The following CDH18 variants were observed in gnomAD, a reference collection of about 807,000 sequenced individuals.
CDH18 encodes the protein cadherin 18, also known as cadherin-18.
A neutral mutation model predicts 67.9 loss-of-function variants in CDH18; 31 were observed. The observed-to-expected ratio is 0.46, with a 90% CI of 0.34 to 0.62. The LOEUF is 0.62. Ranked by LOEUF, CDH18 falls within the 20% of genes least tolerant of loss-of-function variation. The pLI is 0.01. For missense variants in CDH18, 890 were observed against 975.5 expected (o/e 0.91, Z 1.17); for synonymous variants, 362 against 347.2 (o/e 1.04, Z -0.48).
At chr5:19,628,991 T>C (rs984375792) in intron 5 of CDH18, among the ~76,000 whole-genome samples, 5 of 151,926 alleles carry the variant, frequency 3.3e-5, no homozygotes, top group Non-Finnish European at 7.4e-5. Context: ...ATAGAAATTG[T>C]TCCCTTGCGA....
At chr5:19,603,169 T>C (rs1231466272) in intron 6 of CDH18, among the ~76,000 whole-genome samples, 3 of 152,112 alleles carry the variant, frequency 2.0e-5, no homozygotes, top group Non-Finnish European at 4.4e-5. Flanking sequence ...AAATAAAATA[T>C]TAATTATCAT....
chr5:19,563,352 T>A (rs149164870), intron 8 of CDH18, among the ~76,000 whole-genome samples: 5 of 152,162 alleles, frequency 3.3e-5, no homozygotes, highest in Non-Finnish European at 5.9e-5. Flanking sequence ...GAATCAATAA[T>A]ACAGACAGTT....
intron 1 of CDH18, among the ~76,000 whole-genome samples, chr5:20,504,050 A>AAG (rs1302831109): frequency 5.4e-5 from 6 of 111,486 alleles, no homozygotes; most frequent in African/African-American, 1.9e-4. Context: ...AAAAAAAAAA[A>AAG]AGAGAGAGAG....
intron 2 of CDH18, among the ~76,000 whole-genome samples, chr5:20,073,621 C>T (rs1743675207): frequency 6.6e-6 from 1 of 151,966 alleles, no homozygotes; most frequent in Non-Finnish European, 1.5e-5. Context: ...GAGGCCGGTA[C>T]ATCAAAGCAT....
chr5:19,740,895 T>G (rs2133080), intron 4 of CDH18, among the ~76,000 whole-genome samples: 146,346 of 152,036 alleles, frequency 0.96, 70,673 homozygotes, highest in Middle Eastern at 1. Flanking sequence ...TTGATAGAAG[T>G]TGGTAAAGAT....
intron 2 of CDH18, among the ~76,000 whole-genome samples, chr5:20,085,465 C>T (rs2150550344): frequency 6.6e-6 from 1 of 152,272 alleles, no homozygotes; most frequent in East Asian, 1.9e-4. Flanking sequence ...CCAACATCTG[C>T]CTGTTACCCA....
intron 2 of CDH18, among the ~76,000 whole-genome samples, chr5:20,045,827 A>C (rs1029791758): frequency 2.0e-5 from 3 of 152,084 alleles, no homozygotes; most frequent in African/African-American, 7.2e-5. Context: ...ATATCTTCAG[A>C]GAAATTCAAG....
chr5:19,792,226 A>C (rs1776436397), intron 3 of CDH18, among the ~76,000 whole-genome samples: 1 of 152,150 alleles, frequency 6.6e-6, no homozygotes, highest in African/African-American at 2.4e-5. Flanking sequence ...GAGGGTCTAG[A>C]TAGAACAATG....
chr5:19,721,321 T>C, intron 5 of CDH18, 26 bp downstream of exon 5: 1 of 1,544,382 alleles, frequency 6.5e-7, no homozygotes. Flanking sequence ...AACGCTTGCA[T>C]GCGAGTTATG....
rs563474257 is a variant in CDH18, at chr5:20,243,465, A to G, written c.-518+11979T>C. 8.2e-4 allele frequency among the ~76,000 whole-genome samples: 125 copies of G among 152,186 alleles called. 1 individual carries two copies. The highest frequency in any genetic ancestry group is 1.2e-3 in the Non-Finnish European group (85 of 68,012). ...TATATCAAGAAATTTATATCTAAAT[A>G]AATTAGCATGAATCACTAGAAAACA... On this transcript the variant is annotated intron_variant, in intron 2 of 14. Coordinates refer to the CDH18 transcript ENST00000507958.
chr5:19,569,700 C>A (rs1371637440), intron 8 of CDH18, among the ~76,000 whole-genome samples: 1 of 152,112 alleles, frequency 6.6e-6, no homozygotes, highest in Admixed American at 6.6e-5. Flanking sequence ...ACACTAGGTT[C>A]TATTTCTTCC....
At chr5:20,012,992 T>G (rs1726895635) in intron 2 of CDH18, among the ~76,000 whole-genome samples, 1 of 152,084 alleles carries the variant, frequency 6.6e-6, no homozygotes, top group Non-Finnish European at 1.5e-5. Context: ...AAATAATCTG[T>G]ATGACAAACC....
chr5:20,361,518 A>T (rs1429680501), intron 1 of CDH18, among the ~76,000 whole-genome samples: 2 of 152,056 alleles, frequency 1.3e-5, no homozygotes, highest in Non-Finnish European at 2.9e-5. Flanking sequence ...AAAACTATAA[A>T]TGTATTAAGG....
At chr5:20,421,954 C>T (rs1001579092) in intron 1 of CDH18, among the ~76,000 whole-genome samples, 6 of 150,738 alleles carry the variant, frequency 4.0e-5, no homozygotes, top group Non-Finnish European at 7.4e-5. Flanking sequence ...CATTTAAAAA[C>T]CTGTTTCATC....
intron 2 of CDH18, among the ~76,000 whole-genome samples, chr5:20,167,118 C>T (rs968814281): frequency 1.3e-5 from 2 of 151,992 alleles, no homozygotes; most frequent in Non-Finnish European, 2.9e-5. Context: ...ATTGGCAATC[C>T]ATATTATATG....
At chr5:20,009,671 G>T (rs911249287) in intron 2 of CDH18, among the ~76,000 whole-genome samples, 1 of 152,116 alleles carries the variant, frequency 6.6e-6, no homozygotes, top group African/African-American at 2.4e-5. Context: ...AGAGGTTCAT[G>T]ATAACAGGAG....
At chr5:20,496,825 C>T (rs114156680) in intron 1 of CDH18, among the ~76,000 whole-genome samples, 3,028 of 151,990 alleles carry the variant, frequency 0.02, 47 homozygotes, top group Non-Finnish European at 0.031. Context: ...AGTCTATTGC[C>T]TGTGGAGGCA....
intron 5 of CDH18, among the ~76,000 whole-genome samples, chr5:19,709,572 C>G (rs558487967): frequency 7.5e-6 from 1 of 132,508 alleles, no homozygotes; most frequent in East Asian, 2.1e-4. Flanking sequence ...TTTCAAAAAA[C>G]AACAACAAAA....
intron 1 of CDH18, among the ~76,000 whole-genome samples, chr5:20,523,821 T>C (rs982829951): frequency 2.0e-5 from 3 of 152,202 alleles, no homozygotes; most frequent in African/African-American, 7.2e-5. Context: ...ATTACAGGCA[T>C]GAGCCAGTGC....
Sources: gnomAD v4.1 joint callset for allele counts (sites outside exome capture counted in the v4.1 genomes callset) on GRCh38, gnomAD v4.1.1 for gene constraint, MANE v1.5 for transcripts, NCBI Gene and HGNC (gene_info 2026-07-23, HGNC 2026-07-21) for gene names.